Variants in FGF1 observed in about 807,000 individuals in gnomAD.
FGF1 encodes the protein fibroblast growth factor 1, also known as beta-endothelial cell growth factor.
FGF1 carries 9 observed loss-of-function variants against 13.4 expected under a neutral mutation model. The observed-to-expected ratio is 0.67, with a 90% CI of 0.40 to 1.17. The LOEUF (loss-of-function observed/expected upper bound fraction) is 1.17, where lower values mean the gene tolerates loss of function less well. Among genes scored for constraint, FGF1 ranks in the 50% most tolerant of loss-of-function variants. The pLI is 0.01. For missense variants in FGF1, 156 were observed against 192.7 expected (o/e 0.81, Z 1.13); for synonymous variants, 93 against 79.0 (o/e 1.18, Z -0.94).
rs779530843 is a variant in FGF1 at position 142,600,672 on chromosome 5, C to G, written c.273+30G>C. On this transcript the variant is annotated intron_variant, in intron 3 of 3. Transcript: ENST00000337706. ...TTCTGGAAACCTCAAACCTTGGCCA[C>G]GTCTGGAAGCATGTCAGCTTCATAC... 2.7e-6 allele frequency: 4 copies of G among 1,495,542 alleles called. No individual in the cohort carries two copies. In the South Asian group the frequency reaches 4.5e-5, roughly 17 times the overall value. The allele number at this position is 1,495,542 out of a possible 1,614,324, so 92.6% of individuals were successfully genotyped here.
chr5:142,691,192 G>A (rs1290217188), intron 2 of FGF1, among the ~76,000 whole-genome samples: 5 of 152,000 alleles, frequency 3.3e-5, no homozygotes, highest in Non-Finnish European at 4.4e-5. Flanking sequence ...AGGCCGACGC[G>A]GGTGGATCAC....
chr5:142,604,378 G>C (rs1256357770), intron 2 of FGF1, among the ~76,000 whole-genome samples: 1 of 152,142 alleles, frequency 6.6e-6, no homozygotes, highest in Non-Finnish European at 1.5e-5. Flanking sequence ...GTTTAAGAGA[G>C]ATCAAAGGAA....
intron 1 of FGF1, among the ~76,000 whole-genome samples, chr5:142,652,253 A>C (rs1391695140): frequency 6.6e-6 from 1 of 152,216 alleles, no homozygotes; most frequent in Non-Finnish European, 1.5e-5. Context: ...CATGTTGCCA[A>C]ATGGTGCTTC....
At chr5:142,608,471 G>A (rs950812603) in intron 2 of FGF1, among the ~76,000 whole-genome samples, 3 of 148,378 alleles carry the variant, frequency 2.0e-5, no homozygotes, top group African/African-American at 7.4e-5. Context: ...AATCGAATTT[G>A]GGGGAAAATA....
At chr5:142,619,747 C>T (rs989744194) in intron 1 of FGF1, among the ~76,000 whole-genome samples, 6 of 151,654 alleles carry the variant, frequency 4.0e-5, no homozygotes, top group African/African-American at 1.2e-4. Context: ...GCAGGAGAAT[C>T]GCTTGAACCC....
intron 2 of FGF1, among the ~76,000 whole-genome samples, chr5:142,602,598 G>GAA (rs1413044506): frequency 2.0e-5 from 3 of 152,162 alleles, no homozygotes; most frequent in Admixed American, 2.0e-4. Context: ...CAGAAACAAG[G>GAA]AAACCCCTCC....
intron 1 of FGF1, among the ~76,000 whole-genome samples, chr5:142,619,513 T>C (rs1597156824): frequency 6.6e-6 from 1 of 152,210 alleles, no homozygotes; most frequent in East Asian, 1.9e-4. Flanking sequence ...AAGTCAAATA[T>C]ACATGTTAAA....
intron 1 of FGF1, among the ~76,000 whole-genome samples, chr5:142,659,189 T>C (rs1460175638): frequency 2.6e-5 from 4 of 151,988 alleles, no homozygotes; most frequent in Non-Finnish European, 5.9e-5. Context: ...TAATTTTTTT[T>C]GTATTTTTCT....
rs1474776876 is a variant in FGF1 at position 142,595,013 on chromosome 5, A to G, written c.*277T>C. 1 of 365,194 alleles carries G rather than the reference A, an allele frequency of 2.7e-6. No homozygotes were observed. Among genetic ancestry groups the G allele is most frequent in the Non-Finnish European group, 4.9e-6 (1 of 202,710 alleles). The allele number at this position is 365,194 out of a possible 1,614,324, so 22.6% of individuals were successfully genotyped here. On this transcript the variant is annotated 3_prime_UTR_variant, in exon 4 of 4. Transcript: ENST00000337706. ...TTTAGCCCCACTTTTGCATGGAGGGACTCAGCCTGCAAGAGGCAATTGGAG... is the reference window on the plus strand; with the variant it reads ...TTTAGCCCCACTTTTGCATGGAGGGGCTCAGCCTGCAAGAGGCAATTGGAG...
intron 1 of FGF1, among the ~76,000 whole-genome samples, chr5:142,652,522 T>C (rs1031757880): frequency 2.0e-5 from 3 of 152,176 alleles, no homozygotes; most frequent in Non-Finnish European, 4.4e-5. Context: ...ACAAGGACCC[T>C]GTGAGCTAAT....
At chr5:142,684,213 A>G (rs1461168671) in intron 1 of FGF1, among the ~76,000 whole-genome samples, 1 of 152,190 alleles carries the variant, frequency 6.6e-6, no homozygotes, top group Admixed American at 6.5e-5. Flanking sequence ...CTGTCCCAAG[A>G]TGAGATGTCC....
At position 142,664,356 on chromosome 5, in the gene FGF1, G is replaced by A. The variant is rs1322965200; in HGVS notation, c.-35+21601C>T. ...CTAGGCTCTGCGGCTCCCTAGCGCCGTGTCACTGGCTATGGGCACGGACGC... is the reference window on the plus strand; with the variant it reads ...CTAGGCTCTGCGGCTCCCTAGCGCCATGTCACTGGCTATGGGCACGGACGC... On this transcript the variant is annotated intron_variant, in intron 1 of 3. Coordinates refer to ENST00000337706, the MANE Select transcript of FGF1 (RefSeq NM_000800.5). Among the ~76,000 whole-genome samples, 9 of 152,186 alleles carry A rather than the reference G, an allele frequency of 5.9e-5. No individual in the cohort carries two copies. In the East Asian group the frequency reaches 9.6e-4, roughly 16 times the overall value.
intron 1 of FGF1, among the ~76,000 whole-genome samples, chr5:142,652,725 C>T (rs1767470396): frequency 6.6e-6 from 1 of 152,232 alleles, no homozygotes; most frequent in Non-Finnish European, 1.5e-5. Context: ...TTGCGTCTGT[C>T]TGGGTCTGGC....
chr5:142,605,247 C>T (rs1037858141), intron 2 of FGF1, among the ~76,000 whole-genome samples: 1 of 151,110 alleles, frequency 6.6e-6, no homozygotes, highest in Non-Finnish European at 1.5e-5. Context: ...GCTGGGATTA[C>T]AGGCACGCAC....
chr5:142,619,690 G>A (rs538884986), intron 1 of FGF1, among the ~76,000 whole-genome samples: 8 of 152,124 alleles, frequency 5.3e-5, no homozygotes, highest in South Asian at 2.1e-4. Context: ...AAAATTAGCC[G>A]GGCATGGTGG....
At chr5:142,610,178 T>G (rs1758753117) in intron 2 of FGF1, among the ~76,000 whole-genome samples, 1 of 152,228 alleles carries the variant, frequency 6.6e-6, no homozygotes, top group Admixed American at 6.5e-5. Flanking sequence ...TTCAGCATAA[T>G]GCCTAGCACA....
chr5:142,599,219 C>T (rs1241366733), intron 3 of FGF1, among the ~76,000 whole-genome samples: 1 of 152,192 alleles, frequency 6.6e-6, no homozygotes, highest in Non-Finnish European at 1.5e-5. Flanking sequence ...GATTTTACTA[C>T]CACTTGGAAG....
chr5:142,620,417 CA>C (rs954011821), intron 1 of FGF1, among the ~76,000 whole-genome samples: 14 of 137,892 alleles, frequency 1.0e-4, no homozygotes, highest in Non-Finnish European at 1.3e-4. Flanking sequence ...GACTCCGTCT[CA>C]AAAAAAAAAA....
intron 1 of FGF1, among the ~76,000 whole-genome samples, chr5:142,673,800 C>T (rs1275421030): frequency 1.3e-5 from 2 of 152,176 alleles, no homozygotes; most frequent in Non-Finnish European, 2.9e-5. Flanking sequence ...CAATCTTCAG[C>T]GAGGGTCTTA....
Sources: allele counts gnomAD v4.1 joint callset (sites outside exome capture counted in the v4.1 genomes callset), GRCh38; gene constraint gnomAD v4.1.1; transcripts MANE v1.5; gene names NCBI Gene and HGNC (gene_info 2026-07-23, HGNC 2026-07-21).